Variants in PRSS38 observed in about 807,000 individuals in gnomAD.
PRSS38 encodes the protein marapsin 2.
A neutral mutation model predicts 26.8 loss-of-function variants in PRSS38; 22 were observed. The ratio of observed to expected loss-of-function variants is 0.82; its 90% CI spans 0.59 to 1.17. PRSS38 has a LOEUF of 1.17. Ranked by LOEUF, PRSS38 falls within the 50% of genes most tolerant of loss-of-function variation. The probability of loss-of-function intolerance (pLI) is 0.00; values close to 1 mark genes in which losing one functional copy is unlikely to be tolerated. For missense variants in PRSS38, 427 were observed against 422.7 expected (o/e 1.01, Z -0.09); for synonymous variants, 175 against 172.1 (o/e 1.02, Z -0.13).
chr1:227,831,437 T>C (rs908786612), intron 3 of PRSS38, among the ~76,000 whole-genome samples: 7 of 152,248 alleles, frequency 4.6e-5, no homozygotes, highest in Non-Finnish European at 2.9e-5. Flanking sequence ...TAGCCTATGG[T>C]CTGTCCTGGT....
chr1:227,840,181 C>T (rs373978272), intron 3 of PRSS38, among the ~76,000 whole-genome samples: 28 of 152,106 alleles, frequency 1.8e-4, no homozygotes, highest in Non-Finnish European at 3.1e-4. Flanking sequence ...GAGTGCAGTG[C>T]GGTGATCATA....
At chr1:227,828,705 A>G (rs576005890) in intron 3 of PRSS38, among the ~76,000 whole-genome samples, 16 of 152,338 alleles carry the variant, frequency 1.1e-4, no homozygotes, top group Admixed American at 7.2e-4. Context: ...AGAAGCAGCC[A>G]GGCTGCTTCT....
At chr1:227,845,514 C>A in exon 4 of PRSS38, 1 of 1,613,348 alleles carries the variant, frequency 6.2e-7, no homozygotes, top group South Asian at 1.1e-5. Context: ...CCCGCTGATC[C>A]TGGAGCCCTG....
At chr1:227,830,119 G>T (rs181804278) in intron 3 of PRSS38, among the ~76,000 whole-genome samples, 1 of 151,974 alleles carries the variant, frequency 6.6e-6, no homozygotes, top group African/African-American at 2.4e-5. Context: ...AACTCACCTT[G>T]CATTCCTGTG....
At chr1:227,830,589 C>T (rs1211798304) in intron 3 of PRSS38, among the ~76,000 whole-genome samples, 1 of 150,866 alleles carries the variant, frequency 6.6e-6, no homozygotes, top group African/African-American at 2.4e-5. Flanking sequence ...ACAACCTCCG[C>T]CTCTGGGTTC....
At chr1:227,827,502 GTTGT>G (rs1233564452) in intron 3 of PRSS38, among the ~76,000 whole-genome samples, 4 of 151,976 alleles carry the variant, frequency 2.6e-5, no homozygotes, top group Admixed American at 2.0e-4. Flanking sequence ...TTCTCTGATG[GTTGT>G]TTGTATTTCT....
intron 3 of PRSS38, among the ~76,000 whole-genome samples, chr1:227,829,517 G>GGCAGTATATT (rs1261264408): frequency 6.6e-6 from 1 of 151,998 alleles, no homozygotes; most frequent in Non-Finnish European, 1.5e-5. Flanking sequence ...ATGGGCCTTA[G>GGCAGTATATT]GCAGTATATT....
intron 3 of PRSS38, among the ~76,000 whole-genome samples, chr1:227,843,128 C>G (rs1279195107): frequency 6.6e-6 from 1 of 152,174 alleles, no homozygotes; most frequent in Non-Finnish European, 1.5e-5. Flanking sequence ...GTAGCCTTCT[C>G]TTGGCAGAAT....
At chr1:227,845,273 AG>A (rs1281908366) in intron 3 of PRSS38, among the ~76,000 whole-genome samples, 196 bp from the exon 4 acceptor site, 2 of 127,282 alleles carry the variant, frequency 1.6e-5, no homozygotes, top group Admixed American at 7.7e-5. Flanking sequence ...ATGTGTGGTC[AG>A]GACTCCTCCC....
intron 2 of PRSS38, 98 bp from the exon 3 acceptor site, chr1:227,817,111 C>A (rs888780704): frequency 3.1e-6 from 4 of 1,294,940 alleles, no homozygotes; most frequent in Admixed American, 2.0e-5. Context: ...TTCAATCCCA[C>A]CGAGTGAGTG....
chr1:227,823,790 G>T (rs1176869139), intron 3 of PRSS38, among the ~76,000 whole-genome samples: 2 of 152,190 alleles, frequency 1.3e-5, no homozygotes, highest in East Asian at 3.8e-4. Context: ...TGTACAGTCT[G>T]CAGAACTGTG....
intron 3 of PRSS38, among the ~76,000 whole-genome samples, chr1:227,835,504 C>T (rs1665225272): frequency 6.6e-6 from 1 of 152,202 alleles, no homozygotes; most frequent in Admixed American, 6.5e-5. Flanking sequence ...AGTGTTCAAA[C>T]AAGTACATGT....
At chr1:227,828,095 G>T (rs1420445789) in intron 3 of PRSS38, among the ~76,000 whole-genome samples, 1 of 152,158 alleles carries the variant, frequency 6.6e-6, no homozygotes, top group African/African-American at 2.4e-5. Context: ...TCGCTAAGGA[G>T]TGTTTTACTT....
intron 3 of PRSS38, among the ~76,000 whole-genome samples, chr1:227,824,245 G>T (rs1203117841): frequency 6.6e-6 from 1 of 152,060 alleles, no homozygotes; most frequent in Admixed American, 6.6e-5. Flanking sequence ...ACAGGCCCCA[G>T]TGTGTGTTGT....
chr1:227,836,067 G>A (rs1553293646), intron 3 of PRSS38, among the ~76,000 whole-genome samples: 1 of 151,774 alleles, frequency 6.6e-6, no homozygotes, highest in Non-Finnish European at 1.5e-5. Context: ...GCAAGACTTT[G>A]GTTATAAAAG....
intron 3 of PRSS38, among the ~76,000 whole-genome samples, chr1:227,836,334 G>A (rs367971703): frequency 2.6e-5 from 4 of 152,002 alleles, no homozygotes; most frequent in Admixed American, 1.3e-4. Context: ...GGATCCTCCC[G>A]CTTCTCAAAG....
chr1:227,822,537 T>C (rs1665017511), intron 3 of PRSS38, among the ~76,000 whole-genome samples: 1 of 152,196 alleles, frequency 6.6e-6, no homozygotes, highest in Admixed American at 6.5e-5. Context: ...TTCTGTGGTG[T>C]TTTGATTGTT....
At chr1:227,838,539 A>G (rs1342421048) in intron 3 of PRSS38, among the ~76,000 whole-genome samples, 1 of 152,182 alleles carries the variant, frequency 6.6e-6, no homozygotes, top group African/African-American at 2.4e-5. Context: ...CGAATGATCC[A>G]TTGTTTTCCA....
intron 3 of PRSS38, among the ~76,000 whole-genome samples, chr1:227,840,193 C>T (rs953533667): frequency 1.5e-4 from 23 of 152,174 alleles, no homozygotes; most frequent in Admixed American, 1.2e-3. Flanking sequence ...GTGATCATAG[C>T]TCACTGAGGC....
Sources: gnomAD v4.1 joint callset for allele counts (sites outside exome capture counted in the v4.1 genomes callset) on GRCh38, gnomAD v4.1.1 for gene constraint, MANE v1.5 for transcripts, NCBI Gene and HGNC (gene_info 2026-07-23, HGNC 2026-07-21) for gene names.